Variants in ENOX1 observed in about 807,000 individuals in gnomAD.
The protein encoded by ENOX1 is candidate growth-related and time keeping constitutive hydroquinone (NADH) oxidase.
A neutral mutation model predicts 82.5 loss-of-function variants in ENOX1; 42 were observed. The ratio of observed to expected loss-of-function variants is 0.51; its 90% CI spans 0.40 to 0.66. The LOEUF is 0.66. Among genes scored for constraint, ENOX1 ranks in the 30% least tolerant of loss-of-function variants. The pLI is 0.00. For missense variants in ENOX1, 608 were observed against 811.6 expected, an observed-to-expected ratio of 0.75 and a Z score of 3.05; for synonymous variants, 271 against 282.2, an observed-to-expected ratio of 0.96 and a Z score of 0.40.
At chr13:43,654,346 G>T (rs2084332003) in intron 2 of ENOX1, among the ~76,000 whole-genome samples, 1 of 152,176 alleles carries the variant, frequency 6.6e-6, no homozygotes. Flanking sequence ...TCAGACTGCT[G>T]CCCTGCCCTG....
intron 12 of ENOX1, among the ~76,000 whole-genome samples, chr13:43,295,159 A>C (rs2046219628): frequency 1.3e-5 from 2 of 152,248 alleles, no homozygotes; most frequent in South Asian, 4.1e-4. Context: ...ACCTGAAGAA[A>C]AATAAGAGTT....
chr13:43,403,890 T>C (rs1450757383), intron 5 of ENOX1, among the ~76,000 whole-genome samples: 1 of 151,972 alleles, frequency 6.6e-6, no homozygotes, highest in Non-Finnish European at 1.5e-5. Flanking sequence ...AAAAGAAATA[T>C]TGTAGACACA....
chr13:43,564,432 A>G (rs2079827972), intron 2 of ENOX1, among the ~76,000 whole-genome samples: 1 of 152,100 alleles, frequency 6.6e-6, no homozygotes, highest in South Asian at 2.1e-4. Context: ...AAAAACTATA[A>G]TAAACAGAAA....
chr13:43,660,061 T>C (rs1476217029), intron 2 of ENOX1, among the ~76,000 whole-genome samples: 1 of 152,234 alleles, frequency 6.6e-6, no homozygotes, highest in African/African-American at 2.4e-5. Context: ...ATCTGAACTT[T>C]CAACCAATAC....
chr13:43,655,800 T>C (rs560901838), intron 2 of ENOX1, among the ~76,000 whole-genome samples: 107 of 152,302 alleles, frequency 7.0e-4, no homozygotes, highest in African/African-American at 2.4e-3. Flanking sequence ...TTTGCTCTCA[T>C]TACCTCTCCT....
intron 1 of ENOX1, among the ~76,000 whole-genome samples, chr13:43,705,139 T>C (rs1485021379): frequency 6.6e-6 from 1 of 151,486 alleles, no homozygotes; most frequent in Admixed American, 6.6e-5. Flanking sequence ...AGAAACAAAA[T>C]AGAGGAGACA....
intron 5 of ENOX1, among the ~76,000 whole-genome samples, chr13:43,399,326 T>C (rs4300535): frequency 0.2 from 29,903 of 152,086 alleles, 3,595 homozygotes; most frequent in East Asian, 0.52. Flanking sequence ...AAGGGTCAGC[T>C]ATAGTGTCAC....
At chr13:43,563,377 T>C (rs1207199049) in intron 2 of ENOX1, among the ~76,000 whole-genome samples, 1 of 152,028 alleles carries the variant, frequency 6.6e-6, no homozygotes, top group Non-Finnish European at 1.5e-5. Context: ...AACCTATGGG[T>C]TACAGAGAAA....
At chr13:43,290,692 T>G (rs896048628) in intron 12 of ENOX1, among the ~76,000 whole-genome samples, 1 of 152,164 alleles carries the variant, frequency 6.6e-6, no homozygotes. Context: ...TCACGCAATA[T>G]TCCCATGTAA....
rs60687265 is a variant in ENOX1, at chr13:43,705,330, C to CTATATATATATA, written c.-284-37798_-284-37787dup. Among the ~76,000 whole-genome samples, 68 of 129,844 alleles carry CTATATATATATA rather than the reference C, an allele frequency of 5.2e-4. 1 individual carries two copies. Among genetic ancestry groups the CTATATATATATA allele is most frequent in the African/African-American group, 1.8e-3 (64 of 34,668 alleles). 85.2% of individuals were successfully genotyped at this position (129,844 alleles called of 152,430 possible). A position where few individuals can be genotyped will look rare whatever the true frequency, so the allele number is the denominator to read the frequency against. ...ACTCTCTCTCTCTCTCTCTCTCTCT[C>CTATATATATATA]TATATATATATATATTTGTAATATA... On this transcript the variant is annotated intron_variant, in intron 1 of 16. Coordinates refer to ENST00000690772, the MANE Select transcript of ENOX1 (RefSeq NM_001347969.2).
chr13:43,573,303 G>A (rs977569031), intron 2 of ENOX1, among the ~76,000 whole-genome samples: 2 of 152,122 alleles, frequency 1.3e-5, no homozygotes, highest in Non-Finnish European at 2.9e-5. Context: ...CATTCTGAGT[G>A]TCTGCAACCA....
intron 5 of ENOX1, among the ~76,000 whole-genome samples, chr13:43,403,711 C>T (rs2053625705): frequency 6.6e-6 from 1 of 151,946 alleles, no homozygotes; most frequent in African/African-American, 2.4e-5. Context: ...TTAGCTGGCA[C>T]ACATCTGTGG....
chr13:43,308,055 G>C (rs991171486), intron 11 of ENOX1, among the ~76,000 whole-genome samples: 2 of 152,214 alleles, frequency 1.3e-5, no homozygotes, highest in African/African-American at 4.8e-5. Flanking sequence ...GCTGACGGAT[G>C]AGCAAACAGT....
At position 43,660,628 on chromosome 13, in the gene ENOX1, T is replaced by C. The variant is rs549007157; in HGVS notation, c.-219+6851A>G. ...TATGTCTCTATTTCAAAACAGTCTC[T>C]AAAACTTCTGAAAAAGATGAACAAT... On this transcript the variant is annotated intron_variant, in intron 2 of 16. Transcript: ENST00000690772. 3.3e-5 allele frequency among the ~76,000 whole-genome samples: 5 copies of C among 152,320 alleles called. No individual in the cohort carries two copies. In the East Asian group the frequency reaches 7.7e-4, roughly 24 times the overall value.
At chr13:43,680,454 C>T (rs555608847) in intron 1 of ENOX1, among the ~76,000 whole-genome samples, 1 of 152,140 alleles carries the variant, frequency 6.6e-6, no homozygotes, top group East Asian at 1.9e-4. Context: ...TATACCAATT[C>T]TAAAGGGGAT....
At chr13:43,647,040 G>A (rs2083925884) in intron 2 of ENOX1, among the ~76,000 whole-genome samples, 1 of 152,116 alleles carries the variant, frequency 6.6e-6, no homozygotes, top group Non-Finnish European at 1.5e-5. Context: ...GCCAATAGAT[G>A]GTCTCAGCAC....
chr13:43,473,100 A>G (rs185282591), intron 3 of ENOX1, among the ~76,000 whole-genome samples: 1 of 152,268 alleles, frequency 6.6e-6, no homozygotes, highest in East Asian at 1.9e-4. Context: ...TTATAAACAG[A>G]TATTTTCCAA....
chr13:43,518,654 T>G (rs142155431), intron 2 of ENOX1, among the ~76,000 whole-genome samples: 43 of 152,224 alleles, frequency 2.8e-4, no homozygotes, highest in African/African-American at 1.0e-3. Context: ...AATCCACAAA[T>G]CTTAAACTCC....
At chr13:43,338,976 T>C (rs148613233) in intron 9 of ENOX1, among the ~76,000 whole-genome samples, 1,614 of 152,290 alleles carry the variant, frequency 0.011, 16 homozygotes, top group South Asian at 0.043. Context: ...TGAGCCACCG[T>C]GCCCGGCCTC....
Sources: gnomAD v4.1 joint callset for allele counts (sites outside exome capture counted in the v4.1 genomes callset) on GRCh38, gnomAD v4.1.1 for gene constraint, MANE v1.5 for transcripts, NCBI Gene and HGNC (gene_info 2026-07-23, HGNC 2026-07-21) for gene names.